ADGRL2: variants seen among roughly 807,000 people sequenced by gnomAD.
ADGRL2 encodes adhesion G protein-coupled receptor L2, also known as calcium-independent alpha-latrotoxin receptor 2.
ADGRL2 carries 44 observed loss-of-function variants against 157.4 expected under a neutral mutation model. The observed-to-expected ratio is 0.28, with a 90% CI of 0.22 to 0.36. ADGRL2 has a LOEUF of 0.36. Ranked by LOEUF, ADGRL2 falls within the 10% of genes least tolerant of loss-of-function variation. The probability of loss-of-function intolerance (pLI) is 1.00; values close to 1 mark genes in which losing one functional copy is unlikely to be tolerated. For missense variants in ADGRL2, 1,510 were observed against 1,768.9 expected, an observed-to-expected ratio of 0.85 and a Z score of 2.63; for synonymous variants, 585 against 624.7, an observed-to-expected ratio of 0.94 and a Z score of 0.95.
chr1:81,580,968 C>T (rs1022263402), exon 3 of ADGRL2: 1 of 151,968 alleles, frequency 6.6e-6, no homozygotes, highest in African/African-American at 2.4e-5. Context: ...AAATCAGAGC[C>T]GAAAAGAAAA....
At chr1:81,528,202 T>C (rs1482942980) in intron 2 of ADGRL2, among the ~76,000 whole-genome samples, 1 of 152,212 alleles carries the variant, frequency 6.6e-6, no homozygotes, top group East Asian at 1.9e-4. Context: ...TTCTATTATT[T>C]ATAAATTAAC....
At chr1:81,619,354 G>T (rs2081738541) in intron 3 of ADGRL2, among the ~76,000 whole-genome samples, 1 of 151,824 alleles carries the variant, frequency 6.6e-6, no homozygotes, top group South Asian at 2.1e-4. Context: ...CACTGACCCA[G>T]TGGAGATTTC....
At chr1:81,832,975 C>G (rs1004825693) in intron 1 of ADGRL2, among the ~76,000 whole-genome samples, 2 of 152,068 alleles carry the variant, frequency 1.3e-5, no homozygotes, top group Non-Finnish European at 2.9e-5. Flanking sequence ...TGAAATAAAA[C>G]TATAATTTAT....
chr1:81,948,355 G>A (rs1350522364), intron 6 of ADGRL2, among the ~76,000 whole-genome samples: 1 of 151,508 alleles, frequency 6.6e-6, no homozygotes, highest in Non-Finnish European at 1.5e-5. Flanking sequence ...ACCTTGACTC[G>A]GTTATTATGA....
chr1:81,481,946 C>T (rs1255617631), intron 2 of ADGRL2, among the ~76,000 whole-genome samples: 5 of 152,256 alleles, frequency 3.3e-5, no homozygotes, highest in African/African-American at 9.6e-5. Flanking sequence ...CCTTCCCACC[C>T]ATATCTATGT....
intron 1 of ADGRL2, among the ~76,000 whole-genome samples, chr1:81,717,794 A>C (rs1206083873): frequency 6.6e-6 from 1 of 152,218 alleles, no homozygotes; most frequent in Non-Finnish European, 1.5e-5. Context: ...CATTTTGTAC[A>C]TTGTGCTACA....
chr1:81,851,734 T>TGTGTGTGTG (rs2093013305), intron 2 of ADGRL2, among the ~76,000 whole-genome samples: 2 of 146,422 alleles, frequency 1.4e-5, no homozygotes, highest in Non-Finnish European at 1.5e-5. Context: ...CCACTTAAAT[T>TGTGTGTGTG]TGTGTGTGTG....
chr1:81,597,156 C>G (rs2081250641), intron 3 of ADGRL2, among the ~76,000 whole-genome samples: 1 of 152,060 alleles, frequency 6.6e-6, no homozygotes, highest in Non-Finnish European at 1.5e-5. Context: ...TAATCCTTTG[C>G]CTTTGACATC....
At chr1:81,756,000 C>T (rs1381156831) in intron 1 of ADGRL2, among the ~76,000 whole-genome samples, 4 of 152,098 alleles carry the variant, frequency 2.6e-5, no homozygotes, top group South Asian at 2.1e-4. Flanking sequence ...TATGCACATT[C>T]GAGTTTAAGA....
intron 3 of ADGRL2, among the ~76,000 whole-genome samples, chr1:81,613,836 A>T (rs1037845712): frequency 1.3e-5 from 2 of 152,164 alleles, no homozygotes; most frequent in African/African-American, 4.8e-5. Context: ...AACAATTTCC[A>T]TTGCTGATTT....
In ADGRL2 at chr1:81,473,495, G is replaced by A. The variant is rs115231121; in HGVS notation, c.-248+28406G>A. On this transcript the variant is annotated intron_variant, in intron 2 of 24. Coordinates refer to the ADGRL2 transcript ENST00000370721. ...AAATTGTAGATTAATCCAGTTAAACGTATTATTAAAATTAATTTCACCTGT... is the reference window on the plus strand; with the variant it reads ...AAATTGTAGATTAATCCAGTTAAACATATTATTAAAATTAATTTCACCTGT... 9.6e-3 allele frequency among the ~76,000 whole-genome samples: 1,460 copies of A among 152,268 alleles called. 12 individuals are homozygous for A. The highest frequency in any genetic ancestry group is 0.013 in the Non-Finnish European group (917 of 68,016).
At position 81,458,938 on chromosome 1, in the gene ADGRL2, A is replaced by C. The variant is rs560563754; in HGVS notation, c.-248+13849A>C. Among the ~76,000 whole-genome samples the C allele has an allele frequency of 2.0e-5, 3 of 152,232 alleles. No homozygotes were observed. The South Asian group carries it at 6.2e-4, about 32-fold the overall frequency. On this transcript the variant is annotated intron_variant, in intron 2 of 24. Transcript: ENST00000370721. Reference sequence around the variant, plus strand: ...CCACCAGAAGGAATAAGGTATACGGACACTGGAGAGTGAGTGGGGCAGAGA... The same window carrying C: ...CCACCAGAAGGAATAAGGTATACGGCCACTGGAGAGTGAGTGGGGCAGAGA...
At chr1:81,357,296 CCT>C (rs1663388089) in intron 1 of ADGRL2, among the ~76,000 whole-genome samples, 1 of 152,040 alleles carries the variant, frequency 6.6e-6, no homozygotes, top group South Asian at 2.1e-4. Context: ...TCCCAGATTC[CCT>C]CTCTCTTCAG....
chr1:81,848,823 GA>G (rs916107425), intron 2 of ADGRL2, among the ~76,000 whole-genome samples: 1 of 151,842 alleles, frequency 6.6e-6, no homozygotes, highest in Non-Finnish European at 1.5e-5. Flanking sequence ...TCAGAACACC[GA>G]AAACCTGTAA....
intron 1 of ADGRL2, among the ~76,000 whole-genome samples, chr1:81,702,896 T>A (rs2083618846): frequency 6.6e-6 from 1 of 152,132 alleles, no homozygotes; most frequent in African/African-American, 2.4e-5. Context: ...GAGAGAAAGA[T>A]AATACATTTG....
intron 3 of ADGRL2, among the ~76,000 whole-genome samples, chr1:81,631,357 C>T (rs1351810651): frequency 1.3e-5 from 2 of 152,060 alleles, no homozygotes; most frequent in Admixed American, 1.3e-4. Flanking sequence ...GCTGGAATTA[C>T]AGGTGTGCAC....
intron 3 of ADGRL2, among the ~76,000 whole-genome samples, chr1:81,610,917 A>G (rs563608481): frequency 2.6e-4 from 40 of 152,300 alleles, no homozygotes; most frequent in African/African-American, 9.6e-4. Context: ...GGAAATACAT[A>G]CTTTTGGTGA....
At chr1:81,502,443 T>A in intron 2 of ADGRL2, 6 of 1,614,016 alleles carry the variant, frequency 3.7e-6, no homozygotes, top group Non-Finnish European at 4.2e-6. Flanking sequence ...AGGAAAGAGT[T>A]CCTGGATGAC....
At chr1:81,604,904 C>T (rs538934963) in intron 3 of ADGRL2, among the ~76,000 whole-genome samples, 1 of 152,326 alleles carries the variant, frequency 6.6e-6, no homozygotes, top group African/African-American at 2.4e-5. Flanking sequence ...TGCACACCCA[C>T]ACACTTTGAG....
Sources: gnomAD v4.1 joint callset for allele counts (sites outside exome capture counted in the v4.1 genomes callset) on GRCh38, gnomAD v4.1.1 for gene constraint, MANE v1.5 for transcripts, NCBI Gene and HGNC (gene_info 2026-07-23, HGNC 2026-07-21) for gene names.